Variants in CAMKMT observed in about 807,000 individuals in gnomAD.
The protein encoded by CAMKMT is CaM KMT.
CAMKMT carries 53 observed loss-of-function variants against 48.0 expected under a neutral mutation model. The ratio of observed to expected loss-of-function variants is 1.10; its 90% CI spans 0.89 to 1.39. CAMKMT has a LOEUF of 1.39. Ranked by LOEUF, CAMKMT falls within the 40% of genes most tolerant of loss-of-function variation. The probability of loss-of-function intolerance (pLI) is 0.00; values close to 1 mark genes in which losing one functional copy is unlikely to be tolerated. For synonymous variants in CAMKMT, 165 were observed against 152.3 expected (o/e 1.08, Z -0.61); for missense variants, 428 against 402.7 (o/e 1.06, Z -0.54).
At chr2:44,504,853 G>T (rs1199115004) in intron 3 of CAMKMT, among the ~76,000 whole-genome samples, 2 of 152,108 alleles carry the variant, frequency 1.3e-5, no homozygotes, top group Admixed American at 1.3e-4. Context: ...TGGGTAATTT[G>T]TAAAGAAAAG....
intron 3 of CAMKMT, among the ~76,000 whole-genome samples, chr2:44,489,918 C>G (rs1471276794): frequency 2.6e-5 from 4 of 151,982 alleles, no homozygotes; most frequent in African/African-American, 7.3e-5. Context: ...AAGCCCAAAC[C>G]TCAGTATTAT....
chr2:44,619,277 A>G (rs1012150574), intron 3 of CAMKMT, among the ~76,000 whole-genome samples: 7 of 152,330 alleles, frequency 4.6e-5, no homozygotes, highest in African/African-American at 1.2e-4. Context: ...ATCTACTAAT[A>G]TCAGAAAATT....
intron 3 of CAMKMT, among the ~76,000 whole-genome samples, chr2:44,432,325 C>G (rs1437800742): frequency 6.6e-6 from 1 of 152,150 alleles, no homozygotes; most frequent in East Asian, 1.9e-4. Flanking sequence ...TCCTGTGACT[C>G]TCCTGAATCC....
intron 3 of CAMKMT, among the ~76,000 whole-genome samples, chr2:44,493,970 T>G (rs1669636479): frequency 6.6e-6 from 1 of 152,224 alleles, no homozygotes; most frequent in Admixed American, 6.5e-5. Flanking sequence ...AACCACTTAG[T>G]AATTTGGTTT....
chr2:44,665,093 C>CT (rs1309383377), intron 3 of CAMKMT, among the ~76,000 whole-genome samples: 1 of 152,164 alleles, frequency 6.6e-6, no homozygotes, highest in African/African-American at 2.4e-5. Flanking sequence ...GTTTTTGAGA[C>CT]TGAGTCTTGC....
chr2:44,384,128 C>T (rs1293882860), intron 2 of CAMKMT, among the ~76,000 whole-genome samples: 1 of 152,162 alleles, frequency 6.6e-6, no homozygotes, highest in Non-Finnish European at 1.5e-5. Flanking sequence ...GCATCCACGC[C>T]AGTATCTATT....
At position 44,564,995 on chromosome 2, in the gene CAMKMT, C is replaced by T. The variant is rs1157600778; in HGVS notation, c.377-139288C>T. Among the ~76,000 whole-genome samples, 5 of 152,318 alleles carry T rather than the reference C, an allele frequency of 3.3e-5. No homozygotes were observed. The East Asian group carries it at 9.6e-4, about 29-fold the overall frequency. Reference sequence around the variant, plus strand: ...AGTCCAAAGAGATTTCCAGGGCTATCCACTGTTTCCTCACTTGGTCTGCCT... The same window carrying T: ...AGTCCAAAGAGATTTCCAGGGCTATTCACTGTTTCCTCACTTGGTCTGCCT... On this transcript the variant is annotated intron_variant, in intron 3 of 10. Coordinates refer to ENST00000378494, the MANE Select transcript of CAMKMT (RefSeq NM_024766.5).
intron 3 of CAMKMT, among the ~76,000 whole-genome samples, chr2:44,633,472 T>G (rs919818564): frequency 6.6e-6 from 1 of 152,168 alleles, no homozygotes; most frequent in African/African-American, 2.4e-5. Context: ...CCCTTTCTCT[T>G]TCTCTTTCAG....
chr2:44,619,396 T>C (rs1209767500), intron 3 of CAMKMT, among the ~76,000 whole-genome samples: 1 of 152,192 alleles, frequency 6.6e-6, no homozygotes, highest in East Asian at 1.9e-4. Flanking sequence ...AATATAATAA[T>C]TTGTAATTCA....
At chr2:44,490,775 T>G (rs1233796054) in intron 3 of CAMKMT, among the ~76,000 whole-genome samples, 7 of 152,124 alleles carry the variant, frequency 4.6e-5, no homozygotes, top group Non-Finnish European at 1.0e-4. Flanking sequence ...TTTACTATTT[T>G]CTTTATAAAG....
At chr2:44,708,211 A>ATTTTTTTTTTTTTTTT (rs59281575) in intron 6 of CAMKMT, among the ~76,000 whole-genome samples, 7 of 68,194 alleles carry the variant, frequency 1.0e-4, no homozygotes, top group Admixed American at 2.4e-4. Context: ...TTTGCTTTGG[A>ATTTTTTTTTTTTTTTT]TTTTTTTTTT....
intron 3 of CAMKMT, among the ~76,000 whole-genome samples, chr2:44,598,641 A>G (rs990457182): frequency 1.4e-5 from 2 of 140,782 alleles, no homozygotes; most frequent in Middle Eastern, 3.8e-3. Flanking sequence ...AAACTTATAT[A>G]CTATAATGAA....
intron 3 of CAMKMT, among the ~76,000 whole-genome samples, chr2:44,511,520 C>T (rs1393379424): frequency 3.3e-5 from 5 of 151,996 alleles, no homozygotes; most frequent in Admixed American, 3.3e-4. Flanking sequence ...AACTCCTGAC[C>T]TCAGGCAATC....
chr2:44,647,664 G>A (rs1673809844), intron 3 of CAMKMT, among the ~76,000 whole-genome samples: 1 of 152,072 alleles, frequency 6.6e-6, no homozygotes, highest in East Asian at 1.9e-4. Flanking sequence ...CTAGCACTTC[G>A]GGAGGCTGAG....
At chr2:44,683,822 C>CAAAAAAAAAAAAAAAAAAAAAA (rs10644183) in intron 3 of CAMKMT, among the ~76,000 whole-genome samples, 11 of 70,912 alleles carry the variant, frequency 1.6e-4, no homozygotes, top group African/African-American at 2.7e-4. Flanking sequence ...GACTCTGTCT[C>CAAAAAAAAAAAAAAAAAAAAAA]AAAAAAAAAA....
intron 1 of CAMKMT, among the ~76,000 whole-genome samples, chr2:44,371,021 G>T (rs538016897): frequency 1.3e-5 from 2 of 152,228 alleles, no homozygotes; most frequent in South Asian, 4.1e-4. Flanking sequence ...TCTCGCTGTT[G>T]TCAACCAGGC....
At position 44,772,206 on chromosome 2, in the gene CAMKMT, C is replaced by T; in HGVS notation, c.*93C>T. The T allele has an allele frequency of 1.9e-6, 2 of 1,035,422 alleles. No individual in the cohort carries two copies. The highest frequency in any genetic ancestry group is 1.5e-6 in the Non-Finnish European group (1 of 679,388). The allele number at this position is 1,035,422 out of a possible 1,614,324, so 64.1% of individuals were successfully genotyped here. A position where few individuals can be genotyped will look rare whatever the true frequency, so the allele number is the denominator to read the frequency against. Reference sequence around the variant, plus strand: ...ATCTGTAAGGGGTATAATCGCCTGCCTGCGCCCTTTGCAGCATTTCACGTG... The same window carrying T: ...ATCTGTAAGGGGTATAATCGCCTGCTTGCGCCCTTTGCAGCATTTCACGTG... On this transcript the variant is annotated 3_prime_UTR_variant, in exon 11 of 11. Coordinates refer to ENST00000378494, the MANE Select transcript of CAMKMT (RefSeq NM_024766.5).
chr2:44,525,079 G>GT (rs1671332753), intron 3 of CAMKMT, among the ~76,000 whole-genome samples: 1 of 151,876 alleles, frequency 6.6e-6, no homozygotes, highest in African/African-American at 2.4e-5. Context: ...GATAGCACAC[G>GT]TTAGTAGTTA....
chr2:44,401,710 T>A (rs1682391038), intron 3 of CAMKMT, among the ~76,000 whole-genome samples: 2 of 152,176 alleles, frequency 1.3e-5, no homozygotes. Flanking sequence ...AGGACATGAT[T>A]TTATTTGTAC....
Sources: gnomAD v4.1 joint callset for allele counts (sites outside exome capture counted in the v4.1 genomes callset) on GRCh38, gnomAD v4.1.1 for gene constraint, MANE v1.5 for transcripts, NCBI Gene and HGNC (gene_info 2026-07-23, HGNC 2026-07-21) for gene names.